Variants in CORIN observed in about 807,000 individuals in gnomAD.
CORIN encodes atrial natriuretic peptide-converting enzyme.
CORIN carries 117 observed loss-of-function variants against 125.3 expected under a neutral mutation model. That is an observed-to-expected ratio of 0.93 (90% CI 0.80 to 1.09). CORIN has a LOEUF of 1.09. CORIN is among the 50% of genes least tolerant of loss of function. CORIN has a pLI of 0.00. For missense variants in CORIN, 1,253 were observed against 1,306.7 expected, an observed-to-expected ratio of 0.96 and a Z score of 0.63; for synonymous variants, 450 against 466.4, an observed-to-expected ratio of 0.96 and a Z score of 0.45.
chr4:47,603,818 T>C, intron 19 of CORIN, 150 bp from the exon 20 acceptor site: 1 of 826,334 alleles, frequency 1.2e-6, no homozygotes, highest in Admixed American at 2.8e-5. Context: ...ATTTATATAA[T>C]AGCCTGAGTG....
At chr4:47,626,586 T>C in intron 16 of CORIN, 65 bp from the exon 17 acceptor site, 1 of 959,044 alleles carries the variant, frequency 1.0e-6, no homozygotes, top group East Asian at 2.4e-5. Flanking sequence ...GCATTATCAT[T>C]ATTTAGCACT....
At chr4:47,683,986 C>T in intron 6 of CORIN, 148 bp from the exon 7 acceptor site, 1 of 581,258 alleles carries the variant, frequency 1.7e-6, no homozygotes, top group Non-Finnish European at 3.0e-6. Flanking sequence ...AGGTGGCACA[C>T]AGAGATACAA....
intron 14 of CORIN, 49 bp downstream of exon 14, chr4:47,645,032 G>A (rs1220574368): frequency 3.0e-6 from 3 of 986,200 alleles, no homozygotes; most frequent in South Asian, 1.4e-5. Flanking sequence ...AGACTTAACT[G>A]GTGTTTAAAA....
At chr4:47,710,915 T>C (rs1047252558) in intron 5 of CORIN, among the ~76,000 whole-genome samples, 4 of 152,288 alleles carry the variant, frequency 2.6e-5, no homozygotes, top group African/African-American at 9.6e-5. Context: ...AAGGATAAAG[T>C]TATTAAGAAT....
chr4:47,598,855 T>G (rs1426168322), intron 21 of CORIN, among the ~76,000 whole-genome samples: 1 of 152,214 alleles, frequency 6.6e-6, no homozygotes. Context: ...TTGATAGCTG[T>G]TAATATTGGT....
At chr4:47,598,824 C>T (rs997516187) in intron 21 of CORIN, among the ~76,000 whole-genome samples, 7 of 151,952 alleles carry the variant, frequency 4.6e-5, no homozygotes, top group Admixed American at 2.0e-4. Flanking sequence ...GCAGAGAGCC[C>T]GAAACATAAT....
rs569559537 is a variant in CORIN at position 47,730,816 on chromosome 4, G to A, written c.799+13586C>T. Among the ~76,000 whole-genome samples the A allele has an allele frequency of 4.6e-5, 7 of 152,360 alleles. 1 individual carries two copies. Among genetic ancestry groups the A allele is most frequent in the Admixed American group, 2.6e-4 (4 of 15,302 alleles). ...GCTTTTATACTGAGTGAGAGGGAAAGCCTTAGGAAACTTAGAGAGAATAGA... is the reference window on the plus strand; with the variant it reads ...GCTTTTATACTGAGTGAGAGGGAAAACCTTAGGAAACTTAGAGAGAATAGA... On this transcript the variant is annotated intron_variant, in intron 5 of 21. Transcript: ENST00000273857.
intron 10 of CORIN, among the ~76,000 whole-genome samples, chr4:47,665,811 C>T (rs1724453348): frequency 6.6e-6 from 1 of 152,116 alleles, no homozygotes; most frequent in Non-Finnish European, 1.5e-5. Context: ...AAATCCAAAC[C>T]CCTTAGCTTG....
At chr4:47,710,875 C>T (rs1726809415) in intron 5 of CORIN, among the ~76,000 whole-genome samples, 1 of 152,206 alleles carries the variant, frequency 6.6e-6, no homozygotes, top group Admixed American at 6.5e-5. Flanking sequence ...GATCTATTAC[C>T]CATCAAACTT....
chr4:47,829,386 C>T (rs184591724), intron 1 of CORIN, among the ~76,000 whole-genome samples: 2 of 152,290 alleles, frequency 1.3e-5, no homozygotes, highest in East Asian at 3.9e-4. Context: ...ACCTTCTGGA[C>T]CTTCTGGACC....
chr4:47,771,215 A>G (rs1218120194), intron 3 of CORIN, among the ~76,000 whole-genome samples: 3 of 152,152 alleles, frequency 2.0e-5, no homozygotes, highest in African/African-American at 7.2e-5. Context: ...TGGCTGTACC[A>G]GGAAGTCAAC....
At chr4:47,620,504 T>G (rs1056118691) in intron 19 of CORIN, among the ~76,000 whole-genome samples, 2 of 152,198 alleles carry the variant, frequency 1.3e-5, no homozygotes, top group African/African-American at 4.8e-5. Context: ...AAGTAAACAA[T>G]GACGGCTTGT....
intron 5 of CORIN, among the ~76,000 whole-genome samples, chr4:47,708,977 C>T (rs1726708550): frequency 6.6e-6 from 1 of 152,190 alleles, no homozygotes; most frequent in Admixed American, 6.5e-5. Context: ...GCTTTTGTAG[C>T]TATCAGCTAC....
At chr4:47,837,846 T>A (rs61758483) in intron 1 of CORIN, 41 bp downstream of exon 1, 2 of 1,573,804 alleles carry the variant, frequency 1.3e-6, no homozygotes, top group Non-Finnish European at 1.7e-6. Flanking sequence ...TAAGAGGCCA[T>A]CACACCTGGC....
intron 1 of CORIN, among the ~76,000 whole-genome samples, chr4:47,818,049 T>C (rs572506426): frequency 1.1e-4 from 16 of 152,322 alleles, no homozygotes; most frequent in African/African-American, 3.8e-4. Flanking sequence ...AATAAAACTT[T>C]TGCAAATGCA....
Position 47,594,277 on chromosome 4 carries a change from A to G in CORIN, c.*1444T>C, listed in dbSNP as rs948878740. 6.6e-6 allele frequency: 1 copy of G among 152,580 alleles called. No individual in the cohort carries two copies. The highest frequency in any genetic ancestry group is 2.4e-5 in the African/African-American group (1 of 41,446). 9.5% of individuals were successfully genotyped at this position (152,580 alleles called of 1,614,324 possible). ...TTTTGAATTTCAACTATGTTTACAC[A>G]CAGAAAAGATACAAAAATACATGTA... On this transcript the variant is annotated 3_prime_UTR_variant, in exon 22 of 22. Transcript: ENST00000273857.
intron 12 of CORIN, among the ~76,000 whole-genome samples, chr4:47,659,661 A>G (rs1724156275): frequency 6.6e-6 from 1 of 152,114 alleles, no homozygotes; most frequent in African/African-American, 2.4e-5. Context: ...GATGACCCAA[A>G]CCAATCACAA....
intron 1 of CORIN, among the ~76,000 whole-genome samples, chr4:47,817,042 C>A (rs1048816562): frequency 5.3e-5 from 8 of 152,190 alleles, no homozygotes; most frequent in Non-Finnish European, 1.2e-4. Flanking sequence ...AAACTGTTAC[C>A]CTTCCTATAG....
At chr4:47,688,607 A>G (rs1725629194) in intron 6 of CORIN, among the ~76,000 whole-genome samples, 1 of 152,194 alleles carries the variant, frequency 6.6e-6, no homozygotes, top group Non-Finnish European at 1.5e-5. Flanking sequence ...ATCTCAAAAA[A>G]AAATTTTAAA....
Sources: allele counts gnomAD v4.1 joint callset (sites outside exome capture counted in the v4.1 genomes callset), GRCh38; gene constraint gnomAD v4.1.1; transcripts MANE v1.5; gene names NCBI Gene and HGNC (gene_info 2026-07-23, HGNC 2026-07-21).